The following LIPC variants were observed in gnomAD, a reference collection of about 807,000 sequenced individuals.
LIPC encodes lipase C, hepatic type, also known as hepatic triacylglycerol lipase.
In LIPC, 44 loss-of-function variants were observed where a neutral mutation model predicts 50.7. That is an observed-to-expected ratio of 0.87 (90% confidence interval 0.68 to 1.11). The LOEUF (loss-of-function observed/expected upper bound fraction) is 1.11, where lower values mean the gene tolerates loss of function less well. LIPC is among the 50% of genes most tolerant of loss of function. LIPC has a pLI of 0.00. For missense variants in LIPC, 697 were observed against 648.2 expected (o/e 1.08, Z -0.82); for synonymous variants, 271 against 256.4 (o/e 1.06, Z -0.54).
chr15:58,439,200 T>C (rs1186446017), intron 1 of LIPC, among the ~76,000 whole-genome samples: 4 of 152,192 alleles, frequency 2.6e-5, no homozygotes, highest in Non-Finnish European at 4.4e-5. Flanking sequence ...AAAATACATG[T>C]GTTTGAGAAA....
intron 1 of LIPC, among the ~76,000 whole-genome samples, chr15:58,516,171 GGAAGACGTCTATT>G (rs796515050): frequency 2.6e-5 from 4 of 151,318 alleles, no homozygotes; most frequent in African/African-American, 9.7e-5. Context: ...CTCGTTTCTG[GGAAGACGTCTATT>G]GAATTCTTAT....
chr15:58,483,865 A>G (rs1285919202), intron 1 of LIPC, among the ~76,000 whole-genome samples: 1 of 152,188 alleles, frequency 6.6e-6, no homozygotes, highest in Non-Finnish European at 1.5e-5. Flanking sequence ...TGCTAATCAA[A>G]TATCTTAATT....
chr15:58,442,851 T>C (rs115978998), intron 1 of LIPC, among the ~76,000 whole-genome samples: 215 of 152,276 alleles, frequency 1.4e-3, no homozygotes, highest in African/African-American at 4.9e-3. Context: ...CTTCTAGTGG[T>C]TCTGGTGTCC....
intron 4 of LIPC, among the ~76,000 whole-genome samples, chr15:58,545,133 C>T (rs769054512): frequency 8.5e-5 from 13 of 152,136 alleles, no homozygotes; most frequent in Non-Finnish European, 1.8e-4. Flanking sequence ...TTATAATGAG[C>T]ATATTGGCTT....
chr15:58,458,038 T>A (rs1041918541), intron 1 of LIPC, among the ~76,000 whole-genome samples: 4 of 152,210 alleles, frequency 2.6e-5, no homozygotes, highest in African/African-American at 9.6e-5. Context: ...AAATACATTT[T>A]CATGAGCTAG....
intron 1 of LIPC, among the ~76,000 whole-genome samples, chr15:58,530,737 C>T (rs755776062): frequency 2.6e-5 from 4 of 152,212 alleles, no homozygotes; most frequent in East Asian, 3.8e-4. Flanking sequence ...TTTTCCAGAA[C>T]GTCCTGTAAA....
chr15:58,460,750 C>G lies in LIPC; in HGVS notation c.88+28630C>G, dbSNP rs111450417. Among the ~76,000 whole-genome samples the G allele has an allele frequency of 9.1e-3, 1,380 of 152,286 alleles. 24 individuals are homozygous for G. The highest frequency in any genetic ancestry group is 0.032 in the African/African-American group (1,311 of 41,542). ...GGGAGAGTTTAGAGAAGCTCTGGAG[C>G]TGGGAAAAGAGGGCAGCTGTTAGAG... On this transcript the variant is annotated intron_variant, in intron 1 of 8. Transcript: ENST00000299022.
At position 58,538,391 on chromosome 15, in the gene LIPC, G is replaced by T; in HGVS notation, c.147G>T (p.Lys49Asn). ...VETNKTLHEM[K>N]TRFLLFGETN... ...CAAACAAAACGCTGCATGAGATGAA[G>T]ACCAGATTCCTGCTCTTTGGAGAAA... The change falls in exon 2 of 9, where the codon AAG becomes AAT. Residue 49 changes from lysine to asparagine, a missense_variant. Coordinates refer to ENST00000299022, the MANE Select transcript of LIPC (RefSeq NM_000236.3). 3 of 1,613,220 alleles carry T rather than the reference G, an allele frequency of 1.9e-6. No homozygotes were observed. The highest frequency in any genetic ancestry group is 2.5e-6 in the Non-Finnish European group (3 of 1,179,184).
chr15:58,468,297 C>T (rs1410356462), intron 1 of LIPC, among the ~76,000 whole-genome samples: 4 of 152,136 alleles, frequency 2.6e-5, no homozygotes, highest in Non-Finnish European at 4.4e-5. Flanking sequence ...AGAGTGAACA[C>T]CTATGTCCAT....
chr15:58,546,209 A>C (rs1473234353), intron 5 of LIPC, among the ~76,000 whole-genome samples: 1 of 152,202 alleles, frequency 6.6e-6, no homozygotes, highest in Non-Finnish European at 1.5e-5. Flanking sequence ...GAGGATGAAC[A>C]GAGGGCACCA....
In LIPC at chr15:58,457,014, C is replaced by T. The variant is rs191723058; in HGVS notation, c.88+24894C>T. Reference sequence around the variant, plus strand: ...CTCCAGCAGAGATGATGCCCAGGGCCGGGCACCTCCTTTGTCAGCATGCAG... The same window carrying T: ...CTCCAGCAGAGATGATGCCCAGGGCTGGGCACCTCCTTTGTCAGCATGCAG... On this transcript the variant is annotated intron_variant, in intron 1 of 8. Transcript: ENST00000299022. 3.7e-4 allele frequency among the ~76,000 whole-genome samples: 56 copies of T among 152,316 alleles called. 1 individual carries two copies. In the East Asian group the frequency reaches 4.8e-3, roughly 13 times the overall value.
chr15:58,480,860 G>C (rs1891161187), intron 1 of LIPC, among the ~76,000 whole-genome samples: 1 of 152,064 alleles, frequency 6.6e-6, no homozygotes, highest in Non-Finnish European at 1.5e-5. Flanking sequence ...TCATGGCCTT[G>C]TACTGTAGGT....
At chr15:58,464,167 A>C (rs551256052) in intron 1 of LIPC, among the ~76,000 whole-genome samples, 6 of 152,174 alleles carry the variant, frequency 3.9e-5, no homozygotes, top group African/African-American at 1.2e-4. Context: ...CCCCCTCTAT[A>C]CTTGCCCCTT....
At chr15:58,535,543 C>A (rs755641749) in intron 1 of LIPC, among the ~76,000 whole-genome samples, 2 of 152,172 alleles carry the variant, frequency 1.3e-5, no homozygotes, top group Non-Finnish European at 2.9e-5. Flanking sequence ...TGGGCTGGAG[C>A]GTATCTCACA....
chr15:58,459,600 T>C (rs1204864485), intron 1 of LIPC, among the ~76,000 whole-genome samples: 3 of 152,214 alleles, frequency 2.0e-5, no homozygotes, highest in Non-Finnish European at 2.9e-5. Flanking sequence ...TAGTCTTCTC[T>C]GGAGTCATAT....
rs553265364 is a variant in LIPC at position 58,548,613 on chromosome 15, A to G, written c.1051+41A>G. ...GGGAGCCTTCAGAAGGGCAGGATGC[A>G]GTCCCCTGTCCAAAGGGCTCAGAAG... is the stretch of plus-strand genomic sequence containing the variant. On this transcript the variant is annotated intron_variant, in intron 6 of 8. Coordinates refer to ENST00000299022, the MANE Select transcript of LIPC (RefSeq NM_000236.3). 4 of 1,570,582 alleles carry G rather than the reference A, an allele frequency of 2.5e-6. No homozygotes were observed. The South Asian group carries it at 4.7e-5, about 18-fold the overall frequency.
chr15:58,485,033 T>G (rs1186768125), intron 1 of LIPC, among the ~76,000 whole-genome samples: 2 of 152,140 alleles, frequency 1.3e-5, no homozygotes, highest in East Asian at 3.8e-4. Context: ...ACCATAGCAT[T>G]CAGCACCCTC....
intron 1 of LIPC, among the ~76,000 whole-genome samples, chr15:58,507,941 C>T (rs1892207136): frequency 6.6e-6 from 1 of 152,098 alleles, no homozygotes; most frequent in African/African-American, 2.4e-5. Context: ...TGGCCATGGA[C>T]GAAGTCTGTT....
intron 1 of LIPC, among the ~76,000 whole-genome samples, chr15:58,492,340 C>T (rs1363496060): frequency 1.3e-5 from 2 of 152,074 alleles, no homozygotes; most frequent in African/African-American, 4.8e-5. Flanking sequence ...ATATTACTGT[C>T]ATTAATTGAT....
Sources: gnomAD v4.1 joint callset for allele counts (sites outside exome capture counted in the v4.1 genomes callset) on GRCh38, gnomAD v4.1.1 for gene constraint, MANE v1.5 for transcripts, NCBI Gene and HGNC (gene_info 2026-07-23, HGNC 2026-07-21) for gene names.